ZFHX3: variants seen among roughly 807,000 people sequenced by gnomAD.
ZFHX3 encodes zinc finger homeobox 3, also known as zinc finger homeobox protein 3.
In ZFHX3, 42 loss-of-function variants were observed where a neutral mutation model predicts 279.1. The ratio of observed to expected loss-of-function variants is 0.15; its 90% CI spans 0.12 to 0.19. The LOEUF is 0.19. Among genes scored for constraint, ZFHX3 ranks in the 10% least tolerant of loss-of-function variants. The pLI, the probability that ZFHX3 is intolerant of heterozygous loss-of-function variation, is 1.00. For missense variants in ZFHX3, 4,981 were observed against 4,754.0 expected (o/e 1.05, Z -1.40); for synonymous variants, 2,293 against 1,957.8 (o/e 1.17, Z -4.52).
chr16:73,641,105 T>C (rs547407293), intron 2 of ZFHX3, among the ~76,000 whole-genome samples: 25 of 152,080 alleles, frequency 1.6e-4, no homozygotes, highest in Non-Finnish European at 3.4e-4. Flanking sequence ...ATCGACCTAG[T>C]TTGGGGTTGG....
At chr16:73,023,804 G>C (rs187498142) in intron 1 of ZFHX3, among the ~76,000 whole-genome samples, 272 of 152,222 alleles carry the variant, frequency 1.8e-3, no homozygotes, top group African/African-American at 6.4e-3. Flanking sequence ...AGGCTGCAAC[G>C]ACCACACACA....
chr16:73,541,793 T>C (rs1051411989), intron 2 of ZFHX3, among the ~76,000 whole-genome samples: 6,797 of 91,256 alleles, frequency 0.074, 269 homozygotes, highest in Non-Finnish European at 0.087. Context: ...TCTCTTTTTT[T>C]TTTTTTTTTT....
At chr16:73,627,812 G>C (rs1004482892) in intron 2 of ZFHX3, among the ~76,000 whole-genome samples, 2 of 152,212 alleles carry the variant, frequency 1.3e-5, no homozygotes, top group Non-Finnish European at 2.9e-5. Context: ...CAGCTACTCA[G>C]GAGGCTGAGG....
chr16:72,783,871 G>A lies in ZFHX3; in HGVS notation c.*3293C>T, dbSNP rs2035231263. ...GCTAAACAAACAGTTGAGCATTGTA[G>A]TGAATTCATGCTTTGTAAATAGTAC... On this transcript the variant is annotated 3_prime_UTR_variant, in exon 10 of 10. Coordinates refer to ENST00000268489, the MANE Select transcript of ZFHX3 (RefSeq NM_006885.4). The A allele has an allele frequency of 2.0e-5, 3 of 152,252 alleles. No individual in the cohort carries two copies. The highest frequency in any genetic ancestry group is 7.2e-5 in the African/African-American group (3 of 41,468). 9.4% of individuals were successfully genotyped at this position (152,252 alleles called of 1,614,324 possible).
At chr16:73,576,546 C>T (rs758215891) in intron 2 of ZFHX3, among the ~76,000 whole-genome samples, 10 of 152,152 alleles carry the variant, frequency 6.6e-5, no homozygotes, top group Non-Finnish European at 1.3e-4. Flanking sequence ...CTTCCGTCAT[C>T]ATAGACACGC....
chr16:73,034,323 G>A (rs867135123), intron 1 of ZFHX3, among the ~76,000 whole-genome samples: 16 of 152,254 alleles, frequency 1.1e-4, no homozygotes, highest in South Asian at 2.1e-4. Flanking sequence ...AGAAGAAGGC[G>A]AGGGGAAGTT....
Position 73,026,689 on chromosome 16 carries a change from A to AAAAAAC in ZFHX3, c.-50+21062_-50+21063insGTTTTT, listed in dbSNP as rs1555543114. ...AAACTGCCTCAAAAAAAAAAAAAAA[A>AAAAAAC]AAAAAACACATAGTAAAGGGTCTGC... On this transcript the variant is annotated intron_variant, in intron 1 of 9. Coordinates refer to ENST00000268489, the MANE Select transcript of ZFHX3 (RefSeq NM_006885.4). Among the ~76,000 whole-genome samples the AAAAAAC allele has an allele frequency of 5.9e-3, 895 of 150,786 alleles. 17 individuals carry two copies. Among genetic ancestry groups the AAAAAAC allele is most frequent in the African/African-American group, 0.021 (834 of 40,382 alleles).
chr16:73,383,725 A>G (rs762448532), intron 3 of ZFHX3, among the ~76,000 whole-genome samples: 100 of 152,274 alleles, frequency 6.6e-4, no homozygotes, highest in Non-Finnish European at 1.2e-3. Context: ...TCTGCCCCTC[A>G]CAGCTGCATC....
intron 4 of ZFHX3, among the ~76,000 whole-genome samples, chr16:73,300,144 C>G (rs2015017774): frequency 6.6e-6 from 1 of 151,892 alleles, no homozygotes; most frequent in South Asian, 2.1e-4. Context: ...CCTGTAGTCT[C>G]AGCTACTCAG....
At chr16:73,269,552 T>C (rs1252806468) in intron 4 of ZFHX3, among the ~76,000 whole-genome samples, 3 of 152,356 alleles carry the variant, frequency 2.0e-5, no homozygotes, top group Non-Finnish European at 4.4e-5. Context: ...CTGTAGTTTA[T>C]TTTCCAGCAA....
chr16:73,804,087 G>A (rs565165246), intron 1 of ZFHX3, among the ~76,000 whole-genome samples: 15 of 152,292 alleles, frequency 9.8e-5, no homozygotes, highest in African/African-American at 3.6e-4. Context: ...AGCCTGGGAG[G>A]CTGAGGCTCC....
intron 3 of ZFHX3, among the ~76,000 whole-genome samples, chr16:73,376,643 G>T (rs1371041751): frequency 1.3e-5 from 2 of 152,090 alleles, no homozygotes; most frequent in African/African-American, 4.8e-5. Flanking sequence ...TGTTTATAAT[G>T]GCAACAACCG....
At chr16:72,818,033 T>C (rs1340054821) in intron 5 of ZFHX3, among the ~76,000 whole-genome samples, 2 of 152,216 alleles carry the variant, frequency 1.3e-5, no homozygotes, top group East Asian at 1.9e-4. Context: ...GCTTGCCACC[T>C]GCCCCAGAAA....
At chr16:73,694,412 C>T (rs964176500) in intron 1 of ZFHX3, among the ~76,000 whole-genome samples, 5 of 152,038 alleles carry the variant, frequency 3.3e-5, no homozygotes, top group Non-Finnish European at 7.4e-5. Flanking sequence ...GGTGCGATAT[C>T]GGCTTACTAC....
chr16:73,058,564 C>A, exon 1 of ZFHX3: 1 of 208,036 alleles, frequency 4.8e-6, no homozygotes, highest in East Asian at 8.7e-5. Flanking sequence ...GCTGCAGCGG[C>A]GCTGCTGGCG....
chr16:72,898,179 C>T (rs1038983418), intron 3 of ZFHX3, among the ~76,000 whole-genome samples: 1 of 152,156 alleles, frequency 6.6e-6, no homozygotes. Context: ...CTCAAGCTCT[C>T]GTCCTTGACG....
intron 2 of ZFHX3, among the ~76,000 whole-genome samples, chr16:73,654,502 T>C (rs2142168878): frequency 6.6e-6 from 1 of 152,172 alleles, no homozygotes; most frequent in South Asian, 2.1e-4. Context: ...CCCCTAATGA[T>C]GACATACACA....
At chr16:73,755,706 C>T (rs1001727159) in intron 1 of ZFHX3, among the ~76,000 whole-genome samples, 7 of 152,192 alleles carry the variant, frequency 4.6e-5, no homozygotes, top group African/African-American at 7.2e-5. Context: ...TCGAACCTCC[C>T]GTGAAGAAAA....
chr16:73,552,947 T>C (rs1313805164), intron 2 of ZFHX3, among the ~76,000 whole-genome samples: 5 of 152,236 alleles, frequency 3.3e-5, no homozygotes, highest in Non-Finnish European at 5.9e-5. Context: ...GGGATTTTCA[T>C]TCACATCCAC....
Sources: gnomAD v4.1 joint callset for allele counts (sites outside exome capture counted in the v4.1 genomes callset) on GRCh38, gnomAD v4.1.1 for gene constraint, MANE v1.5 for transcripts, NCBI Gene and HGNC (gene_info 2026-07-23, HGNC 2026-07-21) for gene names.